CPE: variants seen among roughly 807,000 people sequenced by gnomAD.
CPE encodes carbocypeptidase E.
Under a neutral mutation model 53.5 loss-of-function variants are expected in CPE, and 17 were observed. The ratio of observed to expected loss-of-function variants is 0.32; its 90% CI spans 0.22 to 0.48. The LOEUF is 0.48. Ranked by LOEUF, CPE falls within the 20% of genes least tolerant of loss-of-function variation. The pLI, the probability that CPE is intolerant of heterozygous loss-of-function variation, is 0.99. For synonymous variants in CPE, 226 were observed against 228.8 expected (o/e 0.99, Z 0.11); for missense variants, 524 against 614.7 (o/e 0.85, Z 1.56).
At chr4:165,475,609 G>A (rs542950094) in intron 3 of CPE, among the ~76,000 whole-genome samples, 1 of 152,308 alleles carries the variant, frequency 6.6e-6, no homozygotes, top group East Asian at 1.9e-4. Context: ...TTGAGAACAC[G>A]AAGGAGAATA....
intron 1 of CPE, among the ~76,000 whole-genome samples, chr4:165,453,668 A>T (rs2126693694): frequency 6.6e-6 from 1 of 152,158 alleles, no homozygotes; most frequent in South Asian, 2.1e-4. Flanking sequence ...TACAGGCATG[A>T]GCCACCACAC....
chr4:165,405,151 C>A (rs975286320), intron 1 of CPE: 2 of 767,004 alleles, frequency 2.6e-6, no homozygotes, highest in Non-Finnish European at 2.4e-6. Context: ...ATCCTTTGAA[C>A]ACTTGTTGCT....
At chr4:165,464,080 T>C (rs1476573983) in intron 1 of CPE, among the ~76,000 whole-genome samples, 1 of 152,188 alleles carries the variant, frequency 6.6e-6, no homozygotes, top group Non-Finnish European at 1.5e-5. Flanking sequence ...GACAGTCCTA[T>C]TGGATCAGAG....
At chr4:165,398,281 A>G (rs926427516) in intron 1 of CPE, among the ~76,000 whole-genome samples, 9 of 152,126 alleles carry the variant, frequency 5.9e-5, no homozygotes, top group Non-Finnish European at 1.2e-4. Flanking sequence ...CTGAGACATT[A>G]AGATTTTTCT....
intron 2 of CPE, 21 bp from the exon 3 acceptor site, chr4:165,467,667 C>A: frequency 6.4e-7 from 1 of 1,563,898 alleles, no homozygotes; most frequent in Non-Finnish European, 8.6e-7. Flanking sequence ...TGATTTTTCT[C>A]TTTGACTTTT....
intron 1 of CPE, among the ~76,000 whole-genome samples, chr4:165,445,928 A>G (rs1731706756): frequency 6.8e-6 from 1 of 146,860 alleles, no homozygotes; most frequent in South Asian, 2.3e-4. Context: ...CAGCTATTAT[A>G]ATAGAATAAA....
intron 1 of CPE, among the ~76,000 whole-genome samples, chr4:165,436,216 G>A (rs1380925071): frequency 3.4e-5 from 5 of 146,252 alleles, no homozygotes; most frequent in East Asian, 2.2e-4. Flanking sequence ...ACACACACAC[G>A]TGTGCACAGA....
intron 3 of CPE, among the ~76,000 whole-genome samples, chr4:165,476,695 G>C (rs1732307652): frequency 6.6e-6 from 1 of 152,046 alleles, no homozygotes; most frequent in African/African-American, 2.4e-5. Flanking sequence ...CCTGGTGTTG[G>C]GAGAAGGCCC....
chr4:165,445,406 C>A (rs578206122), intron 1 of CPE, among the ~76,000 whole-genome samples: 1 of 150,916 alleles, frequency 6.6e-6, no homozygotes, highest in South Asian at 2.1e-4. Context: ...ATACTAATTT[C>A]GCTTTTAGCT....
chr4:165,453,028 G>T (rs1440172261), intron 1 of CPE, among the ~76,000 whole-genome samples: 1 of 151,812 alleles, frequency 6.6e-6, no homozygotes, highest in Non-Finnish European at 1.5e-5. Flanking sequence ...CCAGGCTGGA[G>T]TGCAGTGGCG....
Position 165,379,828 on chromosome 4 carries a change from TG to T in CPE, c.307+307del, listed in dbSNP as rs926456109. On this transcript the variant is annotated intron_variant, in intron 1 of 8. Coordinates refer to ENST00000402744, the MANE Select transcript of CPE (RefSeq NM_001873.4). This position sits in a 1 kb window ranked among gnomAD's most constrained non-coding sequence, Gnocchi z 6.0. ...CTTGGGAGGCTGGGGTGGCGGGGGA[TG>T]GGGGGGATAGCAATACAGAAAAAAC... is the stretch of plus-strand genomic sequence containing the variant. Among the ~76,000 whole-genome samples the T allele has an allele frequency of 2.9e-4, 44 of 151,848 alleles. No homozygotes were observed. The highest frequency in any genetic ancestry group is 5.7e-4 in the Non-Finnish European group (39 of 67,894).
intron 1 of CPE, among the ~76,000 whole-genome samples, chr4:165,453,613 A>G (rs1731851215): frequency 6.6e-6 from 1 of 151,946 alleles, no homozygotes; most frequent in Non-Finnish European, 1.5e-5. Context: ...TCAAACTCCT[A>G]GGCTCAAGTG....
chr4:165,446,678 T>A (rs1056868396), intron 1 of CPE, among the ~76,000 whole-genome samples: 2 of 152,044 alleles, frequency 1.3e-5, no homozygotes, highest in Non-Finnish European at 2.9e-5. Context: ...TTGGAAAAAA[T>A]AATAATTTTT....
In CPE at chr4:165,484,442, T is replaced by G. The variant is rs758176349; in HGVS notation, c.811T>G (p.Ser271Ala). 29 of 1,613,932 alleles carry G rather than the reference T, an allele frequency of 1.8e-5. 1 individual carries two copies. The Admixed American group carries it at 4.8e-4, about 27-fold the overall frequency. ...TRSGSAHEYS[S>A]SPDDAIFQSL... Reference sequence around the variant, plus strand: ...TCTAGGTAGTGCTCACGAATACAGCTCCTCCCCAGATGACGCCATTTTCCA... The same window carrying G: ...TCTAGGTAGTGCTCACGAATACAGCGCCTCCCCAGATGACGCCATTTTCCA... Residue 271 changes from serine to alanine, a missense_variant, in exon 5 of 9, where the codon TCC (serine) becomes GCC (alanine). Transcript: ENST00000402744.
chr4:165,478,338 G>T (rs1056133750), intron 3 of CPE, among the ~76,000 whole-genome samples: 1 of 152,136 alleles, frequency 6.6e-6, no homozygotes, highest in African/African-American at 2.4e-5. Flanking sequence ...CAGACTAAAA[G>T]ATTCTGTTAA....
rs903811861 is a variant in CPE, at chr4:165,440,540, A to G, written c.308-23850A>G. Among the ~76,000 whole-genome samples, 6 of 150,548 alleles carry G rather than the reference A, an allele frequency of 4.0e-5. No individual in the cohort carries two copies. The Admixed American group carries it at 4.0e-4, about 10-fold the overall frequency. On this transcript the variant is annotated intron_variant, in intron 1 of 8. Coordinates refer to ENST00000402744, the MANE Select transcript of CPE (RefSeq NM_001873.4). ...AAAAATGCCACTGATTTCATGATTC[A>G]TATGCACACCATGGAAATAAACAAG...
Position 165,476,703 on chromosome 4 carries a change from C to T in CPE, c.673-5539C>T, listed in dbSNP as rs112633561. Among the ~76,000 whole-genome samples, 139 of 152,284 alleles carry T rather than the reference C, an allele frequency of 9.1e-4. 1 individual carries two copies. In the Middle Eastern group the frequency reaches 0.01, roughly 11 times the overall value. ...TGACATTCCTGGTGTTGGGAGAAGG[C>T]CCTCTCCTGCCCTGCTCATGTCTGA... On this transcript the variant is annotated intron_variant, in intron 3 of 8. Transcript: ENST00000402744.
intron 1 of CPE, among the ~76,000 whole-genome samples, chr4:165,398,586 GA>G (rs1730814000): frequency 6.6e-6 from 1 of 152,150 alleles, no homozygotes; most frequent in African/African-American, 2.4e-5. Context: ...TAGGTCAATG[GA>G]AAAAATCTAA....
chr4:165,425,857 G>A (rs1731308530), intron 1 of CPE, among the ~76,000 whole-genome samples: 1 of 152,156 alleles, frequency 6.6e-6, no homozygotes, highest in Non-Finnish European at 1.5e-5. Flanking sequence ...GGCCATAGAT[G>A]CTGCTAAATA....
Sources: allele counts gnomAD v4.1 joint callset (sites outside exome capture counted in the v4.1 genomes callset), GRCh38; gene constraint gnomAD v4.1.1; non-coding constraint Gnocchi (gnomAD v3.1); transcripts MANE v1.5; gene names NCBI Gene and HGNC (gene_info 2026-07-23, HGNC 2026-07-21).